The following CUX1 variants were observed in gnomAD, a reference collection of about 807,000 sequenced individuals.
CUX1 encodes the protein protein CASP.
In CUX1, 31 loss-of-function variants were observed where a neutral mutation model predicts 158.8. That is an observed-to-expected ratio of 0.20 (90% CI 0.15 to 0.26). CUX1 has a LOEUF of 0.26. Ranked by LOEUF, CUX1 falls within the 10% of genes least tolerant of loss-of-function variation. The pLI, the probability that CUX1 is intolerant of heterozygous loss-of-function variation, is 1.00. For missense variants in CUX1, 1,589 were observed against 2,014.6 expected (o/e 0.79, Z 4.04); for synonymous variants, 879 against 862.1 (o/e 1.02, Z -0.34).
intron 4 of CUX1, among the ~76,000 whole-genome samples, chr7:102,073,165 C>CTTATTTTTTTTTTTTTTTTTTTTTTTTT (rs1826328098): frequency 1.5e-5 from 1 of 66,890 alleles, no homozygotes; most frequent in African/African-American, 6.4e-5. Context: ...TCTTTTCTTT[C>CTTATTTTTTTTTTTTTTTTTTTTTTTTT]TTTTTTTTTT....
intron 12 of CUX1, among the ~76,000 whole-genome samples, chr7:102,191,795 C>T (rs1586138953): frequency 6.6e-6 from 1 of 151,144 alleles, no homozygotes; most frequent in African/African-American, 2.4e-5. Context: ...TCCTCTTGCT[C>T]CTCCTCCTCC....
chr7:101,924,916 G>A (rs78109754), intron 2 of CUX1, among the ~76,000 whole-genome samples: 4,026 of 151,980 alleles, frequency 0.026, 85 homozygotes, highest in Non-Finnish European at 0.035. Context: ...AGGCATCATC[G>A]GCTACTCCTT....
chr7:102,020,348 A>C (rs1819197356), intron 2 of CUX1, among the ~76,000 whole-genome samples: 1 of 152,218 alleles, frequency 6.6e-6, no homozygotes, highest in African/African-American at 2.4e-5. Context: ...GTATCCTGGA[A>C]CAAAAGAAAC....
chr7:101,996,996 C>T (rs936040439), intron 2 of CUX1, among the ~76,000 whole-genome samples: 5 of 152,138 alleles, frequency 3.3e-5, no homozygotes, highest in African/African-American at 7.2e-5. Flanking sequence ...CACTCCCCTG[C>T]GCTCGTGTGC....
chr7:102,024,564 T>A (rs1262436480), intron 2 of CUX1, among the ~76,000 whole-genome samples: 27 of 152,112 alleles, frequency 1.8e-4, no homozygotes, highest in Non-Finnish European at 1.5e-5. Flanking sequence ...TGACCTCAGG[T>A]GATCCACTTG....
intron 2 of CUX1, chr7:101,960,670 T>C (rs1240778539): frequency 6.6e-6 from 1 of 152,184 alleles, no homozygotes. Context: ...GAGGCCTTAA[T>C]ATACCTTTTT....
intron 2 of CUX1, among the ~76,000 whole-genome samples, chr7:101,972,256 G>A (rs1812051633): frequency 6.6e-6 from 1 of 152,204 alleles, no homozygotes; most frequent in African/African-American, 2.4e-5. Flanking sequence ...GTGAGCCACC[G>A]TGCCCGGGCC....
intron 23 of CUX1, among the ~76,000 whole-genome samples, chr7:102,244,713 G>A (rs1323817097): frequency 6.6e-6 from 1 of 152,012 alleles, no homozygotes; most frequent in Non-Finnish European, 1.5e-5. Context: ...ACATATCTCA[G>A]GCTGACCATT....
In CUX1 at chr7:102,255,775, G is replaced by T. The variant is rs962842839; in HGVS notation, c.*6733G>T. ...TCAGCAAGACACATTGAAGTGGCAC[G>T]GAGCTGCTTTTGTTTTATAATTCTT... is the stretch of plus-strand genomic sequence containing the variant. On this transcript the variant is annotated 3_prime_UTR_variant, in exon 24 of 24. Transcript: ENST00000292535. 1.0e-6 allele frequency: 1 copy of T among 985,228 alleles called. No homozygotes were observed. The highest frequency in any genetic ancestry group is 1.2e-6 in the Non-Finnish European group (1 of 829,934). The allele number at this position is 985,228 out of a possible 1,614,324, so 61.0% of individuals were successfully genotyped here. A position where few individuals can be genotyped will look rare whatever the true frequency, so the allele number is the denominator to read the frequency against.
chr7:102,262,639 T>C (rs553554411), downstream of CUX1, among the ~76,000 whole-genome samples: 100 of 152,226 alleles, frequency 6.6e-4, 2 homozygotes, highest in South Asian at 0.02. Flanking sequence ...CTAACACACA[T>C]GGCCTCTGGG....
chr7:101,838,022 T>G (rs2131116846), intron 1 of CUX1, among the ~76,000 whole-genome samples: 1 of 152,182 alleles, frequency 6.6e-6, no homozygotes, highest in African/African-American at 2.4e-5. Flanking sequence ...TTTATATGGA[T>G]GCAAACTTGT....
chr7:101,897,126 C>T (rs1801604367), intron 1 of CUX1, among the ~76,000 whole-genome samples: 1 of 152,252 alleles, frequency 6.6e-6, no homozygotes, highest in Non-Finnish European at 1.5e-5. Flanking sequence ...TAGGACGCAT[C>T]TGCGAAGCAG....
intron 3 of CUX1, among the ~76,000 whole-genome samples, chr7:102,069,591 A>T (rs1182957558): frequency 6.6e-6 from 1 of 152,190 alleles, no homozygotes; most frequent in African/African-American, 2.4e-5. Flanking sequence ...TCTACTAAAA[A>T]TACAAAAATT....
intron 8 of CUX1, among the ~76,000 whole-genome samples, chr7:102,149,287 T>C (rs1554502909): frequency 6.6e-6 from 1 of 152,122 alleles, no homozygotes; most frequent in East Asian, 1.9e-4. Context: ...ATACTGTTTC[T>C]CCTGGTGTCT....
chr7:102,076,946 A>G (rs1235649942), intron 4 of CUX1, among the ~76,000 whole-genome samples: 4 of 151,622 alleles, frequency 2.6e-5, no homozygotes, highest in African/African-American at 9.7e-5. Context: ...CGGTGGGTGG[A>G]TCACCTGAGC....
intron 21 of CUX1, 66 bp from the exon 22 acceptor site, chr7:102,233,986 G>C: frequency 1.5e-6 from 2 of 1,303,134 alleles, no homozygotes; most frequent in Non-Finnish European, 1.0e-6. Flanking sequence ...ACCTTGACAC[G>C]TACTTGTCCC....
Position 102,198,827 on chromosome 7 carries a change from A to G in CUX1, c.1920A>G (p.Arg640=). 1 of 1,614,198 alleles carries G rather than the reference A, an allele frequency of 6.2e-7. No individual in the cohort carries two copies. Among genetic ancestry groups the G allele is most frequent in the Non-Finnish European group, 8.5e-7 (1 of 1,180,038 alleles). Residue 640 remains arginine (R), a synonymous_variant, in exon 16 of 24, where the codon AGA becomes AGG. Coordinates refer to ENST00000292535, the MANE Select transcript of CUX1 (RefSeq NM_181552.4). ...AGAATCCAGGCCAGAGCCTGAACAG[A>G]CTATTTCAGGAAGTACCGAAACGAA... The part of the protein sequence containing the change: ...QRENPGQSLN[R]LFQEVPKRRN...
chr7:102,131,017 T>C (rs1170618946), intron 8 of CUX1, among the ~76,000 whole-genome samples: 1 of 148,914 alleles, frequency 6.7e-6, no homozygotes, highest in Non-Finnish European at 1.5e-5. Flanking sequence ...GGCGTGGTGG[T>C]ACACGCCTGT....
intron 3 of CUX1, 114 bp downstream of exon 3, chr7:102,028,259 C>A: frequency 9.3e-7 from 1 of 1,078,302 alleles, no homozygotes. Flanking sequence ...GGTGCCTTCC[C>A]GGCTGCTCCG....
Sources: allele counts gnomAD v4.1 joint callset (sites outside exome capture counted in the v4.1 genomes callset), GRCh38; gene constraint gnomAD v4.1.1; transcripts MANE v1.5; gene names NCBI Gene and HGNC (gene_info 2026-07-23, HGNC 2026-07-21).